Variants in RBPJ observed in about 807,000 individuals in gnomAD.
RBPJ encodes the protein recombining binding protein suppressor of hairless.
Under a neutral mutation model 67.8 loss-of-function variants are expected in RBPJ, and 9 were observed. The ratio of observed to expected loss-of-function variants is 0.13; its 90% CI spans 0.08 to 0.23. The LOEUF is 0.23. Among genes scored for constraint, RBPJ ranks in the 10% least tolerant of loss-of-function variants. The probability of loss-of-function intolerance (pLI) is 1.00; values close to 1 mark genes in which losing one functional copy is unlikely to be tolerated. For missense variants in RBPJ, 305 were observed against 595.6 expected, an observed-to-expected ratio of 0.51 and a Z score of 5.08; for synonymous variants, 198 against 203.3, an observed-to-expected ratio of 0.97 and a Z score of 0.22.
chr4:26,332,945 G>GGCA (rs1479919770), intron 1 of RBPJ, among the ~76,000 whole-genome samples: 1 of 152,106 alleles, frequency 6.6e-6, no homozygotes, highest in Non-Finnish European at 1.5e-5. Context: ...CACCATGCCT[G>GGCA]GCCTCAAAAG....
At chr4:26,117,247 C>T in the RBPJ span, among the ~76,000 whole-genome samples, 9 of 152,104 alleles carry the variant, frequency 5.9e-5, no homozygotes, top group African/African-American at 2.2e-4. Context: ...CCGCTCCCCA[C>T]CCTCTGGGCA....
chr4:26,411,448 A>G (rs1215632015), intron 3 of RBPJ, among the ~76,000 whole-genome samples: 1 of 151,574 alleles, frequency 6.6e-6, no homozygotes, highest in Non-Finnish European at 1.5e-5. Context: ...TGTTTGCCGT[A>G]TTTTAGGGGA....
the RBPJ span, among the ~76,000 whole-genome samples, chr4:26,147,808 A>G: frequency 6.6e-6 from 1 of 152,194 alleles, no homozygotes. Context: ...GTAAACATAC[A>G]GATCCCAATT....
chr4:26,239,448 G>A (rs1253632345), intron 1 of RBPJ, among the ~76,000 whole-genome samples: 1 of 152,198 alleles, frequency 6.6e-6, no homozygotes, highest in African/African-American at 2.4e-5. Context: ...TAGTGACTCT[G>A]CAAATAAATA....
intron 1 of RBPJ, among the ~76,000 whole-genome samples, chr4:26,378,742 T>C (rs1179274149): frequency 6.6e-6 from 1 of 152,164 alleles, no homozygotes; most frequent in Non-Finnish European, 1.5e-5. Flanking sequence ...ATTAAGTAAA[T>C]GAGGCTGAGT....
At chr4:26,291,609 C>T (rs567166839) in intron 1 of RBPJ, among the ~76,000 whole-genome samples, 2 of 149,888 alleles carry the variant, frequency 1.3e-5, no homozygotes, top group African/African-American at 4.9e-5. Context: ...TGGAGTCTCG[C>T]TCTGTCGCCC....
At chr4:26,172,400 G>A (rs1271578371) in intron 1 of RBPJ, among the ~76,000 whole-genome samples, 1 of 152,202 alleles carries the variant, frequency 6.6e-6, no homozygotes, top group African/African-American at 2.4e-5. Flanking sequence ...AACAGCATAA[G>A]GGAATAGACT....
At chr4:26,133,049 C>T in the RBPJ span, among the ~76,000 whole-genome samples, 1 of 152,232 alleles carries the variant, frequency 6.6e-6, no homozygotes, top group Non-Finnish European at 1.5e-5. Flanking sequence ...GCTTCAGCTC[C>T]ACCTTGAGGC....
At chr4:26,269,780 G>A (rs1488065546) in intron 1 of RBPJ, among the ~76,000 whole-genome samples, 1 of 152,110 alleles carries the variant, frequency 6.6e-6, no homozygotes, top group Non-Finnish European at 1.5e-5. Context: ...ATAATTTGAG[G>A]GAAGGGAGTG....
intron 1 of RBPJ, among the ~76,000 whole-genome samples, chr4:26,243,042 C>T (rs779468295): frequency 6.6e-6 from 1 of 152,074 alleles, no homozygotes; most frequent in Non-Finnish European, 1.5e-5. Flanking sequence ...GCCTGACCAA[C>T]ATGGAGAAAC....
chr4:26,252,616 C>A (rs1201484024), intron 1 of RBPJ, among the ~76,000 whole-genome samples: 2 of 152,092 alleles, frequency 1.3e-5, no homozygotes, highest in Non-Finnish European at 2.9e-5. Context: ...AAGCCACATT[C>A]TTTGAAAACT....
chr4:26,232,821 T>C (rs1462733265), intron 1 of RBPJ, among the ~76,000 whole-genome samples: 4 of 152,222 alleles, frequency 2.6e-5, no homozygotes, highest in Non-Finnish European at 5.9e-5. Context: ...CCCTCATTTG[T>C]AAATCATGAA....
intron 2 of RBPJ, among the ~76,000 whole-genome samples, chr4:26,401,348 A>G (rs1225721455): frequency 5.3e-5 from 8 of 152,274 alleles, no homozygotes; most frequent in Admixed American, 5.2e-4. Flanking sequence ...CGCAGATTTG[A>G]ATCCTCACTC....
At chr4:26,392,494 A>G (rs1160152246) in intron 2 of RBPJ, among the ~76,000 whole-genome samples, 3 of 152,240 alleles carry the variant, frequency 2.0e-5, no homozygotes, top group African/African-American at 7.2e-5. Context: ...AAAGGAATGA[A>G]CTTGATACAT....
chr4:26,379,966 G>GT (rs971091364), intron 1 of RBPJ, among the ~76,000 whole-genome samples: 2 of 152,122 alleles, frequency 1.3e-5, no homozygotes, highest in African/African-American at 4.8e-5. Flanking sequence ...ACCTTTGTTA[G>GT]TGGCCAAGGA....
chr4:26,137,557 G>A, the RBPJ span, among the ~76,000 whole-genome samples: 1 of 152,302 alleles, frequency 6.6e-6, no homozygotes, highest in East Asian at 1.9e-4. Flanking sequence ...GTATGGCTGG[G>A]GGTGTGCTGC....
chr4:26,277,620 A>G (rs1424901685), intron 1 of RBPJ, among the ~76,000 whole-genome samples: 1 of 152,234 alleles, frequency 6.6e-6, no homozygotes, highest in Non-Finnish European at 1.5e-5. Context: ...TGGACACACA[A>G]TCTCGAAGGA....
chr4:26,283,306 A>T (rs1165705439), intron 1 of RBPJ, among the ~76,000 whole-genome samples: 19 of 150,710 alleles, frequency 1.3e-4, no homozygotes. Flanking sequence ...GCACTTTGGG[A>T]GGCCGAGGTG....
At chr4:26,192,160 A>C (rs891750818) in intron 1 of RBPJ, among the ~76,000 whole-genome samples, 2 of 151,938 alleles carry the variant, frequency 1.3e-5, no homozygotes, top group African/African-American at 4.8e-5. Context: ...AGGCTGCGCC[A>C]CCACGCCCGG....
Sources: allele counts gnomAD v4.1 joint callset (sites outside exome capture counted in the v4.1 genomes callset), GRCh38; gene constraint gnomAD v4.1.1; transcripts MANE v1.5; gene names NCBI Gene and HGNC (gene_info 2026-07-23, HGNC 2026-07-21).